USP12: variants seen among roughly 807,000 people sequenced by gnomAD.
USP12 encodes ubiquitin specific peptidase 12.
A neutral mutation model predicts 45.5 loss-of-function variants in USP12; 19 were observed. That is an observed-to-expected ratio of 0.42 (90% CI 0.29 to 0.61). The LOEUF (loss-of-function observed/expected upper bound fraction) is 0.61. Among genes scored for constraint, USP12 ranks in the 20% least tolerant of loss-of-function variants. The pLI is 0.22. For missense variants in USP12, 242 were observed against 447.7 expected, an observed-to-expected ratio of 0.54 and a Z score of 4.15; for synonymous variants, 149 against 148.8, an observed-to-expected ratio of 1.00 and a Z score of -0.01.
chr13:27,171,037 G>A (rs1229029895), intron 1 of USP12, among the ~76,000 whole-genome samples: 1 of 152,158 alleles, frequency 6.6e-6, no homozygotes, highest in Non-Finnish European at 1.5e-5. Flanking sequence ...TCTCCCAGGC[G>A]GGAATGAGCG....
intron 1 of USP12, among the ~76,000 whole-genome samples, chr13:27,121,329 T>C (rs1420067937): frequency 6.8e-6 from 1 of 147,270 alleles, no homozygotes; most frequent in African/African-American, 2.5e-5. Flanking sequence ...AAAACCTCAG[T>C]AGAGAATTCA....
chr13:27,083,201 G>A (rs60289123), intron 6 of USP12, among the ~76,000 whole-genome samples: 13,109 of 152,192 alleles, frequency 0.086, 649 homozygotes, highest in Middle Eastern at 0.13. Flanking sequence ...CAACATCAAC[G>A]ATAACTGATC....
intron 3 of USP12, among the ~76,000 whole-genome samples, chr13:27,104,553 A>T (rs574875803): frequency 7.9e-5 from 12 of 152,354 alleles, no homozygotes; most frequent in South Asian, 6.2e-4. Flanking sequence ...TAAAGTACAT[A>T]CGTTTAGCTT....
Position 27,086,282 on chromosome 13 carries a change from T to TAC in USP12, c.734+3599_734+3600dup, listed in dbSNP as rs71083627. Among the ~76,000 whole-genome samples, 711 of 137,412 alleles carry TAC rather than the reference T, an allele frequency of 5.2e-3. 4 individuals carry two copies. The highest frequency in any genetic ancestry group is 0.016 in the African/African-American group (589 of 36,978). 90.1% of individuals were successfully genotyped at this position (137,412 alleles called of 152,430 possible). A position where few individuals can be genotyped will look rare whatever the true frequency, so the allele number is the denominator to read the frequency against. On this transcript the variant is annotated intron_variant, in intron 6 of 8. Coordinates refer to ENST00000282344, the MANE Select transcript of USP12 (RefSeq NM_182488.4). The stretch of plus-strand genomic sequence containing the variant: ...ACATATACATACACATATATATAAT[T>TAC]ACACACACACACACACACACACACA...
chr13:27,171,613 T>C lies in USP12; in HGVS notation c.27A>G (p.Lys9=), dbSNP rs746797007. 1.6e-6 allele frequency: 2 copies of C among 1,281,134 alleles called. No individual in the cohort carries two copies. The highest frequency in any genetic ancestry group is 2.6e-5 in the South Asian group (2 of 77,124). 79.4% of individuals were successfully genotyped at this position (1,281,134 alleles called of 1,614,324 possible). ...CTACCATGGTACAGATGGAGGCGAA[T>C]TTGGAGACTGTCATTAGGATTTCCA... is the stretch of plus-strand genomic sequence containing the variant. MEILMTVS[K]FASICTMGAN... is the part of the protein sequence containing the mutation. Residue 9 remains lysine, a synonymous_variant, in exon 1 of 9, where the codon AAA becomes AAG. Coordinates refer to ENST00000282344, the MANE Select transcript of USP12 (RefSeq NM_182488.4).
At chr13:27,101,864 A>T (rs1874875832) in intron 3 of USP12, among the ~76,000 whole-genome samples, 1 of 152,180 alleles carries the variant, frequency 6.6e-6, no homozygotes, top group Admixed American at 6.5e-5. Context: ...GGAGACCAAG[A>T]CTTAAATTTA....
At chr13:27,130,178 T>C (rs1284179627) in intron 1 of USP12, among the ~76,000 whole-genome samples, 2 of 152,114 alleles carry the variant, frequency 1.3e-5, no homozygotes, top group African/African-American at 2.4e-5. Context: ...CCCTCAACAA[T>C]TTAGGATTGT....
At chr13:27,142,605 A>T (rs1043714755) in intron 1 of USP12, among the ~76,000 whole-genome samples, 5 of 152,242 alleles carry the variant, frequency 3.3e-5, no homozygotes, top group African/African-American at 7.2e-5. Flanking sequence ...GGTAAAAGGT[A>T]TTTGGGAACT....
intron 1 of USP12, among the ~76,000 whole-genome samples, chr13:27,127,960 G>A (rs1388348608): frequency 6.6e-6 from 1 of 152,102 alleles, no homozygotes; most frequent in African/African-American, 2.4e-5. Flanking sequence ...AAGTTCAAAC[G>A]TCCACTAGAA....
intron 1 of USP12, among the ~76,000 whole-genome samples, chr13:27,165,631 A>G (rs1213999471): frequency 6.6e-6 from 1 of 152,202 alleles, no homozygotes; most frequent in Non-Finnish European, 1.5e-5. Flanking sequence ...GGTCATACTC[A>G]TAACTAAAGA....
chr13:27,108,836 T>C (rs1875281616), intron 2 of USP12, among the ~76,000 whole-genome samples: 6 of 152,152 alleles, frequency 3.9e-5, no homozygotes, highest in Admixed American at 1.3e-4. Context: ...CACGCACCTA[T>C]AATCCCAGCT....
chr13:27,105,974 A>G, intron 2 of USP12, 30 bp from the exon 3 acceptor site: 1 of 1,562,888 alleles, frequency 6.4e-7, no homozygotes, highest in Non-Finnish European at 8.7e-7. Context: ...GTTTTGTTAA[A>G]TTTAGGGCAA....
intron 3 of USP12, among the ~76,000 whole-genome samples, chr13:27,105,146 A>G (rs996035671): frequency 3.3e-5 from 5 of 152,320 alleles, no homozygotes; most frequent in African/African-American, 1.2e-4. Context: ...TAAATGAACA[A>G]TATTTCAAAA....
At chr13:27,088,490 G>A (rs1874172560) in intron 6 of USP12, among the ~76,000 whole-genome samples, 2 of 150,732 alleles carry the variant, frequency 1.3e-5, no homozygotes, top group South Asian at 4.2e-4. Context: ...CTTGGATTTT[G>A]GACATGTTCC....
chr13:27,137,379 A>G (rs949473960), intron 1 of USP12, among the ~76,000 whole-genome samples: 1 of 152,252 alleles, frequency 6.6e-6, no homozygotes, highest in Non-Finnish European at 1.5e-5. Flanking sequence ...TCAATGATCT[A>G]TTAAGTGGGG....
intron 1 of USP12, among the ~76,000 whole-genome samples, chr13:27,125,022 G>T (rs1876161228): frequency 6.6e-6 from 1 of 152,214 alleles, no homozygotes; most frequent in African/African-American, 2.4e-5. Flanking sequence ...AGTAACTGGA[G>T]AACATGACTT....
At chr13:27,138,737 A>AGG (rs1876923150) in intron 1 of USP12, among the ~76,000 whole-genome samples, 2 of 152,204 alleles carry the variant, frequency 1.3e-5, no homozygotes, top group South Asian at 4.1e-4. Context: ...TCAGTTTGAA[A>AGG]GTGCCACATT....
rs1353534716 is a variant in USP12 at position 27,129,687 on chromosome 13, T to C, written c.49-13091A>G. 1.3e-5 allele frequency among the ~76,000 whole-genome samples: 2 copies of C among 152,142 alleles called. No individual in the cohort carries two copies. Among genetic ancestry groups the C allele is most frequent in the Non-Finnish European group, 2.9e-5 (2 of 68,014 alleles). On this transcript the variant is annotated intron_variant, in intron 1 of 8. Coordinates refer to ENST00000282344, the MANE Select transcript of USP12 (RefSeq NM_182488.4). This position sits in a 1 kb window ranked among gnomAD's most constrained non-coding sequence, Gnocchi z 4.0. Reference sequence around the variant, plus strand: ...GGGCGACAGAGTGAGACCCTATCTCTTAATAATAATAATAGCAAATAAAAA... The same window carrying C: ...GGGCGACAGAGTGAGACCCTATCTCCTAATAATAATAATAGCAAATAAAAA...
At chr13:27,171,515 T>A in intron 1 of USP12, 77 bp downstream of exon 1, 3 of 427,400 alleles carry the variant, frequency 7.0e-6, no homozygotes, top group Non-Finnish European at 3.2e-6. Context: ...GAGCGGCCAC[T>A]GGGAGAGGCG....
Sources: allele counts gnomAD v4.1 joint callset (sites outside exome capture counted in the v4.1 genomes callset), GRCh38; gene constraint gnomAD v4.1.1; non-coding constraint Gnocchi (gnomAD v3.1); transcripts MANE v1.5; gene names NCBI Gene and HGNC (gene_info 2026-07-23, HGNC 2026-07-21).